MGAT4C: variants seen among roughly 807,000 people sequenced by gnomAD.
MGAT4C encodes the protein alpha-1,3-mannosyl-glycoprotein 4-beta-N-acetylglucosaminyltransferase C.
A neutral mutation model predicts 40.1 loss-of-function variants in MGAT4C; 19 were observed. The observed-to-expected ratio is 0.47, with a 90% CI of 0.33 to 0.70. MGAT4C has a LOEUF of 0.70. Ranked by LOEUF, MGAT4C falls within the 30% of genes least tolerant of loss-of-function variation. MGAT4C has a pLI of 0.02. For synonymous variants in MGAT4C, 181 were observed against 187.1 expected (o/e 0.97, Z 0.27); for missense variants, 491 against 563.2 (o/e 0.87, Z 1.30).
chr12:86,764,089 C>A (rs142072525), intron 1 of MGAT4C, among the ~76,000 whole-genome samples: 1 of 152,088 alleles, frequency 6.6e-6, no homozygotes. Flanking sequence ...CGCAAGGGGT[C>A]AGGGAGTTCC....
chr12:86,119,519 T>C (rs145485200), intron 1 of MGAT4C, among the ~76,000 whole-genome samples: 1 of 151,984 alleles, frequency 6.6e-6, no homozygotes, highest in East Asian at 1.9e-4. Context: ...GTGATTCTTC[T>C]GCTTCAGCCT....
chr12:86,651,153 G>A (rs188931107), intron 2 of MGAT4C, among the ~76,000 whole-genome samples: 17 of 151,936 alleles, frequency 1.1e-4, no homozygotes, highest in African/African-American at 4.1e-4. Flanking sequence ...GTAATATATT[G>A]TGTGTGCTAT....
intron 2 of MGAT4C, among the ~76,000 whole-genome samples, chr12:86,707,645 C>T (rs1950485035): frequency 1.3e-5 from 2 of 151,982 alleles, no homozygotes; most frequent in East Asian, 1.9e-4. Flanking sequence ...ATTCTCCTGC[C>T]TCGGCCTCCC....
intron 1 of MGAT4C, among the ~76,000 whole-genome samples, chr12:86,244,665 T>A (rs1396813248): frequency 6.6e-6 from 1 of 152,054 alleles, no homozygotes; most frequent in African/African-American, 2.4e-5. Flanking sequence ...CAATGGTCAA[T>A]TTAAATACAT....
upstream of MGAT4C, among the ~76,000 whole-genome samples, chr12:86,260,847 A>C (rs1952643133): frequency 6.6e-6 from 1 of 151,962 alleles, no homozygotes; most frequent in East Asian, 1.9e-4. Context: ...CTAATTGGTA[A>C]TTGCTCAAGG....
At chr12:86,704,522 G>C (rs1449991952) in intron 2 of MGAT4C, among the ~76,000 whole-genome samples, 2 of 152,034 alleles carry the variant, frequency 1.3e-5, no homozygotes, top group African/African-American at 4.8e-5. Context: ...AACTTTATGT[G>C]CTCATCACTG....
chr12:86,801,673 T>C (rs1391225576), intron 1 of MGAT4C, among the ~76,000 whole-genome samples: 1 of 151,794 alleles, frequency 6.6e-6, no homozygotes, highest in African/African-American at 2.4e-5. Context: ...AATGAGTCAT[T>C]CTTTTCCTCT....
chr12:86,765,340 A>C (rs1180866357), intron 1 of MGAT4C, among the ~76,000 whole-genome samples: 1 of 152,118 alleles, frequency 6.6e-6, no homozygotes, highest in African/African-American at 2.4e-5. Context: ...GAAATGAACA[A>C]AGCCTCCAAG....
chr12:86,394,047 T>G (rs1956203905), intron 3 of MGAT4C, among the ~76,000 whole-genome samples: 1 of 152,116 alleles, frequency 6.6e-6, no homozygotes, highest in South Asian at 2.1e-4. Context: ...CTTCATATGG[T>G]TTGTTCCCTC....
chr12:86,360,425 C>T (rs936172350), intron 3 of MGAT4C, among the ~76,000 whole-genome samples: 2 of 152,144 alleles, frequency 1.3e-5, no homozygotes, highest in African/African-American at 4.8e-5. Context: ...AAAACTGGCA[C>T]AAGACAGGGA....
intron 2 of MGAT4C, among the ~76,000 whole-genome samples, chr12:86,625,664 G>C (rs1962780763): frequency 6.6e-6 from 1 of 152,062 alleles, no homozygotes; most frequent in Admixed American, 6.6e-5. Context: ...AGTCCTGTAA[G>C]AAGACTAGTA....
chr12:86,529,783 A>G (rs1375863896), intron 2 of MGAT4C, among the ~76,000 whole-genome samples: 1 of 151,882 alleles, frequency 6.6e-6, no homozygotes, highest in Non-Finnish European at 1.5e-5. Flanking sequence ...TTTCCTTAGA[A>G]TATATATGGT....
intron 1 of MGAT4C, among the ~76,000 whole-genome samples, chr12:86,144,621 A>C (rs1343098256): frequency 6.6e-6 from 1 of 152,178 alleles, no homozygotes; most frequent in East Asian, 1.9e-4. Context: ...TTTTATCAGG[A>C]TCTCAGTATT....
intron 4 of MGAT4C, among the ~76,000 whole-genome samples, chr12:85,982,339 C>T (rs570765901): frequency 3.9e-5 from 6 of 152,132 alleles, no homozygotes; most frequent in Non-Finnish European, 5.9e-5. Flanking sequence ...CAGGTGTACA[C>T]GACCATGCCT....
chr12:86,606,945 T>C (rs757409930), intron 2 of MGAT4C, among the ~76,000 whole-genome samples: 15 of 152,212 alleles, frequency 9.9e-5, no homozygotes, highest in Non-Finnish European at 1.9e-4. Flanking sequence ...CATAAAATGA[T>C]TTAACAGTAA....
At chr12:86,032,957 G>A (rs1334714007) in intron 2 of MGAT4C, among the ~76,000 whole-genome samples, 1 of 149,780 alleles carries the variant, frequency 6.7e-6, no homozygotes, top group Non-Finnish European at 1.5e-5. Context: ...TGTAAGGAAA[G>A]TGTCTATATT....
At chr12:86,495,665 G>T (rs1255080299) in intron 2 of MGAT4C, among the ~76,000 whole-genome samples, 1 of 151,956 alleles carries the variant, frequency 6.6e-6, no homozygotes, top group African/African-American at 2.4e-5. Flanking sequence ...GTTCTTGTGG[G>T]GATGGTGAAA....
At position 86,068,812 on chromosome 12, in the gene MGAT4C, G is replaced by A. The variant is rs77512396; in HGVS notation, c.-56-19089C>T. Among the ~76,000 whole-genome samples the A allele has an allele frequency of 7.3e-3, 1,117 of 152,100 alleles. 9 individuals carry two copies. Among genetic ancestry groups the A allele is most frequent in the Non-Finnish European group, 0.011 (755 of 67,996 alleles). On this transcript the variant is annotated intron_variant, in intron 1 of 4. Transcript: ENST00000611864. The stretch of plus-strand genomic sequence containing the variant: ...TTTGCTGCCCTGTCCCCTTTTACCT[G>A]TAGCAGTACAGTCTATGAAAGCCCA...
chr12:86,204,047 G>A (rs1307917946), intron 1 of MGAT4C, among the ~76,000 whole-genome samples: 3 of 149,892 alleles, frequency 2.0e-5, no homozygotes, highest in African/African-American at 7.3e-5. Flanking sequence ...GAAGCAGAAA[G>A]ATAAAGATAA....
Sources: gnomAD v4.1 joint callset for allele counts (sites outside exome capture counted in the v4.1 genomes callset) on GRCh38, gnomAD v4.1.1 for gene constraint, MANE v1.5 for transcripts, NCBI Gene and HGNC (gene_info 2026-07-23, HGNC 2026-07-21) for gene names.